Variants in KLRG1 observed in about 807,000 individuals in gnomAD.
The protein encoded by KLRG1 is killer cell lectin-like receptor subfamily G member 1.
A neutral mutation model predicts 21.8 loss-of-function variants in KLRG1; 16 were observed. That is an observed-to-expected ratio of 0.73 (90% CI 0.50 to 1.11). The LOEUF (loss-of-function observed/expected upper bound fraction) is 1.11, where lower values mean the gene tolerates loss of function less well. Among genes scored for constraint, KLRG1 ranks in the 50% most tolerant of loss-of-function variants. KLRG1 has a pLI of 0.00. For synonymous variants in KLRG1, 69 were observed against 75.9 expected, an observed-to-expected ratio of 0.91 and a Z score of 0.47; for missense variants, 173 against 218.3, an observed-to-expected ratio of 0.79 and a Z score of 1.31.
chr12:9,059,354 C>A, the KLRG1 span, among the ~76,000 whole-genome samples: 6 of 152,160 alleles, frequency 3.9e-5, no homozygotes, highest in Non-Finnish European at 8.8e-5. Context: ...GCACCTAGCA[C>A]AATGCTAAAT....
intron 3 of KLRG1, among the ~76,000 whole-genome samples, chr12:8,998,566 G>A (rs1187643280): frequency 6.6e-6 from 1 of 151,800 alleles, no homozygotes; most frequent in African/African-American, 2.4e-5. Flanking sequence ...GCGCACACCT[G>A]TGGTCCCAGC....
At chr12:8,968,190 G>A (rs563375615) in intron 1 of KLRG1, among the ~76,000 whole-genome samples, 25 of 151,948 alleles carry the variant, frequency 1.6e-4, no homozygotes, top group East Asian at 5.8e-4. Flanking sequence ...CAATTAAAAC[G>A]GGTCGTCAGA....
the KLRG1 span, chr12:9,090,603 A>G: frequency 3.0e-6 from 3 of 1,014,766 alleles, no homozygotes; most frequent in Non-Finnish European, 4.3e-6. Flanking sequence ...AAGATGATAT[A>G]AATGAAGATC....
At chr12:9,160,142 T>C in the KLRG1 span, 2 of 1,169,658 alleles carry the variant, frequency 1.7e-6, no homozygotes, top group Non-Finnish European at 2.5e-6. Context: ...TGATCTGCCA[T>C]AGTTTTGTGA....
chr12:9,179,030 C>T, the KLRG1 span, among the ~76,000 whole-genome samples: 1 of 152,124 alleles, frequency 6.6e-6, no homozygotes, highest in South Asian at 2.1e-4. Context: ...AGTTGATTGA[C>T]CCTTTTAAAT....
At chr12:9,006,747 G>A (rs1395806843) in intron 3 of KLRG1, among the ~76,000 whole-genome samples, 1 of 152,110 alleles carries the variant, frequency 6.6e-6, no homozygotes, top group Non-Finnish European at 1.5e-5. Flanking sequence ...AGATTGTCAA[G>A]AATTTCATAA....
chr12:9,081,960 T>C, the KLRG1 span, among the ~76,000 whole-genome samples: 1 of 152,212 alleles, frequency 6.6e-6, no homozygotes, highest in African/African-American at 2.4e-5. Flanking sequence ...CTGGTCACTT[T>C]CAGAAGCATG....
chr12:9,125,709 G>C, the KLRG1 span, among the ~76,000 whole-genome samples: 1 of 152,116 alleles, frequency 6.6e-6, no homozygotes, highest in Non-Finnish European at 1.5e-5. Context: ...TTTTAAAATA[G>C]TGCGTGTATG....
chr12:9,190,579 AAAT>A, the KLRG1 span, among the ~76,000 whole-genome samples: 1 of 152,108 alleles, frequency 6.6e-6, no homozygotes, highest in Admixed American at 6.6e-5. Context: ...GGATCAGAAA[AAAT>A]AATTATTGGG....
At chr12:9,115,911 T>A in the KLRG1 span, 72 of 1,410,136 alleles carry the variant, frequency 5.1e-5, no homozygotes, top group South Asian at 1.8e-4. Context: ...CTACAATCCA[T>A]CTGGTCCCAA....
the KLRG1 span, among the ~76,000 whole-genome samples, chr12:9,053,446 C>T: frequency 2.4e-4 from 36 of 152,114 alleles, no homozygotes; most frequent in Non-Finnish European, 4.7e-4. Context: ...TGAAAATGCT[C>T]GCGACCCCAC....
the KLRG1 span, chr12:9,111,437 G>A: frequency 1.4e-5 from 6 of 443,636 alleles, no homozygotes; most frequent in Middle Eastern, 3.3e-4. Context: ...CCACTTTGAA[G>A]GTTATTGTAA....
intron 1 of KLRG1, among the ~76,000 whole-genome samples, chr12:8,951,932 T>C (rs1184464813): frequency 6.6e-6 from 1 of 152,176 alleles, no homozygotes; most frequent in Admixed American, 6.5e-5. Context: ...AGTTTCCCTT[T>C]CCGACCAGAG....
chr12:9,039,135 A>G, the KLRG1 span, among the ~76,000 whole-genome samples: 46 of 152,356 alleles, frequency 3.0e-4, no homozygotes, highest in African/African-American at 9.9e-4. Context: ...TAAGTTGGTC[A>G]TATGTATAAA....
downstream of KLRG1, among the ~76,000 whole-genome samples, chr12:9,015,732 A>G (rs1428725163): frequency 2.0e-5 from 3 of 152,216 alleles, no homozygotes; most frequent in Admixed American, 6.5e-5. Flanking sequence ...CATATGGATC[A>G]TTCTCAAGGA....
At chr12:9,143,864 A>C in the KLRG1 span, among the ~76,000 whole-genome samples, 1 of 152,176 alleles carries the variant, frequency 6.6e-6, no homozygotes, top group African/African-American at 2.4e-5. Context: ...ACCTATGTGG[A>C]CTGGTAAGAA....
chr12:9,160,561 G>A, the KLRG1 span: 1 of 1,406,956 alleles, frequency 7.1e-7, no homozygotes, highest in South Asian at 1.2e-5. Context: ...TAACAAAAAT[G>A]GCCTTTATAT....
the KLRG1 span, chr12:9,079,419 G>T: frequency 1.5e-6 from 2 of 1,348,056 alleles, no homozygotes; most frequent in East Asian, 4.6e-5. Flanking sequence ...GGCTTCTCTT[G>T]TGACATTTCT....
chr12:8,989,949 G>A (rs865912791), intron 1 of KLRG1, among the ~76,000 whole-genome samples: 1 of 152,194 alleles, frequency 6.6e-6, no homozygotes, highest in South Asian at 2.1e-4. Flanking sequence ...TTCTTTGATC[G>A]CATCTTAGAA....
Sources: gnomAD v4.1 joint callset for allele counts (sites outside exome capture counted in the v4.1 genomes callset) on GRCh38, gnomAD v4.1.1 for gene constraint, MANE v1.5 for transcripts, NCBI Gene and HGNC (gene_info 2026-07-23, HGNC 2026-07-21) for gene names.